CLSTN2: variants seen among roughly 807,000 people sequenced by gnomAD.
CLSTN2 encodes calsyntenin-2.
CLSTN2 carries 48 observed loss-of-function variants against 101.2 expected under a neutral mutation model. The observed-to-expected ratio is 0.47, with a 90% CI of 0.38 to 0.60. CLSTN2 has a LOEUF of 0.60. CLSTN2 is among the 20% of genes least tolerant of loss of function. The pLI, the probability that CLSTN2 is intolerant of heterozygous loss-of-function variation, is 0.00. For synonymous variants in CLSTN2, 481 were observed against 463.6 expected (o/e 1.04, Z -0.48); for missense variants, 1,160 against 1,238.2 (o/e 0.94, Z 0.95).
intron 8 of CLSTN2, among the ~76,000 whole-genome samples, chr3:140,474,490 T>C (rs1181738947): frequency 1.3e-5 from 2 of 152,172 alleles, no homozygotes; most frequent in Non-Finnish European, 2.9e-5. Context: ...TTCTAATAGA[T>C]GAAGGTGCCA....
At chr3:140,052,507 A>G (rs919585891) in intron 1 of CLSTN2, among the ~76,000 whole-genome samples, 1 of 152,186 alleles carries the variant, frequency 6.6e-6, no homozygotes, top group Admixed American at 6.5e-5. Context: ...CCCCACCCTG[A>G]TTCTAGGTTT....
chr3:140,421,417 T>C (rs182989112), intron 5 of CLSTN2, 143 bp downstream of exon 5: 19 of 997,548 alleles, frequency 1.9e-5, no homozygotes, highest in Non-Finnish European at 2.8e-5. Context: ...TTGCTTATTC[T>C]CACAACTCTT....
intron 1 of CLSTN2, among the ~76,000 whole-genome samples, chr3:140,035,473 A>G (rs1452943841): frequency 6.6e-6 from 1 of 152,208 alleles, no homozygotes; most frequent in Non-Finnish European, 1.5e-5. Flanking sequence ...AAGGCAAAAG[A>G]GCATCAGGGA....
intron 8 of CLSTN2, among the ~76,000 whole-genome samples, chr3:140,513,927 G>A (rs531374498): frequency 2.0e-5 from 3 of 151,920 alleles, no homozygotes; most frequent in Admixed American, 2.0e-4. Flanking sequence ...CATTTCTGTG[G>A]GGTCAGTGAT....
chr3:140,047,689 G>T (rs1188829037), intron 1 of CLSTN2, among the ~76,000 whole-genome samples: 2 of 152,206 alleles, frequency 1.3e-5, no homozygotes, highest in East Asian at 3.9e-4. Context: ...CGCAGGTAGT[G>T]CAGGGCATCC....
At chr3:140,462,987 TAAATGTGAACC>T in intron 7 of CLSTN2, among the ~76,000 whole-genome samples, 1 of 152,244 alleles carries the variant, frequency 6.6e-6, no homozygotes, top group East Asian at 1.9e-4. Flanking sequence ...GAAATGAGTT[TAAATGTGAACC>T]TAGGAGCATA....
At chr3:140,228,016 C>T (rs1353853144) in intron 2 of CLSTN2, among the ~76,000 whole-genome samples, 2 of 152,172 alleles carry the variant, frequency 1.3e-5, no homozygotes, top group Admixed American at 6.5e-5. Context: ...GGAGACATTT[C>T]CCCCCTTGTC....
chr3:139,966,993 T>G (rs1403085825), intron 1 of CLSTN2, among the ~76,000 whole-genome samples: 1 of 152,150 alleles, frequency 6.6e-6, no homozygotes, highest in East Asian at 1.9e-4. Context: ...GGAAAATGGC[T>G]AGGGGCATAC....
intron 1 of CLSTN2, among the ~76,000 whole-genome samples, chr3:139,964,004 C>A (rs977926366): frequency 1.3e-5 from 2 of 152,204 alleles, no homozygotes; most frequent in Admixed American, 6.5e-5. Context: ...ATTAACTTCA[C>A]CTTAGGGCAG....
rs7629393 is a variant in CLSTN2 at position 140,286,330 on chromosome 3, A to G, written c.232+110257A>G. Among the ~76,000 whole-genome samples the G allele has an allele frequency of 4.8e-3, 736 of 152,054 alleles. 6 individuals are homozygous for G. The highest frequency in any genetic ancestry group is 0.017 in the African/African-American group (698 of 41,464). ...GAGATCTGGGGAAACTCTTTGGACT[A>G]TTTCTCCTCCACAAATCAGTTAAGT... On this transcript the variant is annotated intron_variant, in intron 2 of 16. Transcript: ENST00000458420.
At chr3:140,386,400 T>C (rs1245587069) in intron 2 of CLSTN2, among the ~76,000 whole-genome samples, 1 of 152,208 alleles carries the variant, frequency 6.6e-6, no homozygotes, top group Non-Finnish European at 1.5e-5. Context: ...AGTGGATGGA[T>C]AGGCAATGGC....
chr3:140,174,600 T>G (rs939083948), intron 1 of CLSTN2, among the ~76,000 whole-genome samples: 8 of 151,984 alleles, frequency 5.3e-5, no homozygotes, highest in Non-Finnish European at 8.8e-5. Context: ...AAGAAAGAGG[T>G]TTAATTGGAC....
chr3:139,957,030 T>G (rs889125960), intron 1 of CLSTN2, among the ~76,000 whole-genome samples: 16 of 152,286 alleles, frequency 1.1e-4, no homozygotes, highest in African/African-American at 3.8e-4. Flanking sequence ...AATTTAAGTT[T>G]TGATGCAGAA....
At chr3:140,465,252 G>C (rs73231210) in intron 7 of CLSTN2, among the ~76,000 whole-genome samples, 7,754 of 152,288 alleles carry the variant, frequency 0.051, 237 homozygotes, top group East Asian at 0.12. Context: ...CAATTATTCA[G>C]ATCTGTGCCT....
intron 2 of CLSTN2, among the ~76,000 whole-genome samples, chr3:140,223,956 G>A (rs1451701402): frequency 1.3e-5 from 2 of 152,110 alleles, no homozygotes; most frequent in Non-Finnish European, 2.9e-5. Flanking sequence ...TAGTGAAGAA[G>A]GTTCTAGACA....
intron 1 of CLSTN2, among the ~76,000 whole-genome samples, chr3:139,936,255 C>A (rs1935017395): frequency 6.6e-6 from 1 of 152,182 alleles, no homozygotes; most frequent in African/African-American, 2.4e-5. Flanking sequence ...CGGACTTTGA[C>A]AGCTGCCTGG....
At chr3:140,038,885 C>G (rs768823363) in intron 1 of CLSTN2, among the ~76,000 whole-genome samples, 2 of 152,126 alleles carry the variant, frequency 1.3e-5, no homozygotes, top group African/African-American at 4.8e-5. Context: ...TTAAAGTGAT[C>G]TGATATTGGC....
intron 2 of CLSTN2, among the ~76,000 whole-genome samples, chr3:140,326,370 C>G (rs1399101970): frequency 1.3e-5 from 2 of 152,194 alleles, no homozygotes; most frequent in East Asian, 3.8e-4. Context: ...TTCTTCAAAG[C>G]TCTTATCTGT....
At chr3:140,158,682 A>T (rs1278765154) in intron 1 of CLSTN2, among the ~76,000 whole-genome samples, 2 of 152,176 alleles carry the variant, frequency 1.3e-5, no homozygotes, top group Admixed American at 1.3e-4. Flanking sequence ...GGAAAAAAAG[A>T]CTCTAAAATT....
Sources: gnomAD v4.1 joint callset for allele counts (sites outside exome capture counted in the v4.1 genomes callset) on GRCh38, gnomAD v4.1.1 for gene constraint, MANE v1.5 for transcripts, NCBI Gene and HGNC (gene_info 2026-07-23, HGNC 2026-07-21) for gene names.